The following SUPT16H variants were observed in gnomAD, a reference collection of about 807,000 sequenced individuals.
The protein encoded by SUPT16H is SPT16 homolog, facilitates chromatin remodeling subunit.
In SUPT16H, 24 loss-of-function variants were observed where a neutral mutation model predicts 136.2. The observed-to-expected ratio is 0.18, with a 90% confidence interval of 0.13 to 0.25. SUPT16H has a LOEUF of 0.25. SUPT16H is among the 10% of genes least tolerant of loss of function. The probability of loss-of-function intolerance (pLI) is 1.00; values close to 1 mark genes in which losing one functional copy is unlikely to be tolerated. For synonymous variants in SUPT16H, 415 were observed against 428.2 expected (o/e 0.97, Z 0.38); for missense variants, 623 against 1,270.2 (o/e 0.49, Z 7.74).
chr14:21,361,311 C>CTTTTTT lies in SUPT16H; in HGVS notation c.1794-104_1794-99dup, dbSNP rs35486887. 2,335 of 461,250 alleles carry CTTTTTT rather than the reference C, an allele frequency of 5.1e-3. 18 individuals carry two copies. Among genetic ancestry groups the CTTTTTT allele is most frequent in the South Asian group, 0.01 (458 of 43,890 alleles). 28.6% of individuals were successfully genotyped at this position (461,250 alleles called of 1,614,324 possible). ...TCTAAGCAGCTTAATCTCTACTTTG[C>CTTTTTT]TTTTTTTTTTTTTTTTTTTTTTTGA... On this transcript the variant is annotated intron_variant, in intron 15 of 25. Transcript: ENST00000216297.
intron 19 of SUPT16H, among the ~76,000 whole-genome samples, chr14:21,358,717 G>A (rs1662382411): frequency 6.6e-6 from 1 of 152,198 alleles, no homozygotes; most frequent in Admixed American, 6.5e-5. Flanking sequence ...CTGTCAAGCT[G>A]AGTCTGCAAC....
intron 1 of SUPT16H, among the ~76,000 whole-genome samples, chr14:21,379,441 GAAAAA>G (rs35245464): frequency 7.5e-6 from 1 of 133,790 alleles, no homozygotes; most frequent in Non-Finnish European, 1.6e-5. Flanking sequence ...CTCAAAAAAA[GAAAAA>G]AAAAAAAAAA....
At chr14:21,357,163 G>C (rs773452027) in intron 22 of SUPT16H, 34 bp downstream of exon 22, 3 of 1,514,336 alleles carry the variant, frequency 2.0e-6, no homozygotes, top group Admixed American at 2.0e-5. Flanking sequence ...AGGGCTCATG[G>C]GCTAAATGGG....
At chr14:21,370,065 G>A (rs1022797202) in intron 4 of SUPT16H, among the ~76,000 whole-genome samples, 169 bp from the exon 5 acceptor site, 5 of 152,170 alleles carry the variant, frequency 3.3e-5, no homozygotes, top group Admixed American at 1.3e-4. Flanking sequence ...ATTTGAAATA[G>A]CTCTTTGCCA....
chr14:21,362,108 A>G (rs967742567), intron 15 of SUPT16H, 89 bp downstream of exon 15: 11 of 1,450,160 alleles, frequency 7.6e-6, no homozygotes, highest in African/African-American at 1.4e-5. Flanking sequence ...TTTACTAGGT[A>G]GGGAAAATGT....
At chr14:21,382,799 T>A (rs1887060271) in intron 1 of SUPT16H, among the ~76,000 whole-genome samples, 1 of 152,120 alleles carries the variant, frequency 6.6e-6, no homozygotes, top group Admixed American at 6.5e-5. Context: ...TGCAAGAGAA[T>A]CAATTTTATT....
At chr14:21,380,137 A>G (rs1251056745) in intron 1 of SUPT16H, among the ~76,000 whole-genome samples, 1 of 152,102 alleles carries the variant, frequency 6.6e-6, no homozygotes, top group Non-Finnish European at 1.5e-5. Context: ...CTTACACTAT[A>G]TTCGGTATTA....
In SUPT16H at chr14:21,364,874, C is replaced by T; in HGVS notation, c.1186G>A (p.Glu396Lys). Residue 396 changes from glutamate (E) to lysine (K), a missense_variant, in exon 10 of 26, where the codon GAG becomes AAG. By Grantham distance (56) the Glu-to-Lys change is moderately conservative (BLOSUM62 1). Coordinates refer to ENST00000216297, the MANE Select transcript of SUPT16H (RefSeq NM_007192.4). ...CCAATGAACAGGGCATAGGTTTTCTCTTCTGGCTTTTTCCCCTCCTTGTTA... is the reference window on the plus strand; with the variant it reads ...CCAATGAACAGGGCATAGGTTTTCTTTTCTGGCTTTTTCCCCTCCTTGTTA... ...LTNKEGKKPE[E>K]KTYALFIGDT... The T allele has an allele frequency of 1.2e-6, 2 of 1,613,238 alleles. No homozygotes were observed. Among genetic ancestry groups the T allele is most frequent in the Non-Finnish European group, 1.7e-6 (2 of 1,180,026 alleles).
Position 21,359,625 on chromosome 14 carries a change from A to C in SUPT16H, c.2176-16T>G, listed in dbSNP as rs752711403. The C allele has an allele frequency of 6.2e-7, 1 of 1,611,744 alleles. No homozygotes were observed. Among genetic ancestry groups the C allele is most frequent in the Admixed American group, 1.7e-5 (1 of 59,564 alleles). ...TGATGGCATTCTGTCGGCATAAAAC[A>C]GAAAGAACACAGAAGTCAGAAACAC... is the stretch of plus-strand genomic sequence containing the variant. On this transcript the variant is annotated splice_polypyrimidine_tract_variant and intron_variant, in intron 18 of 25. Transcript: ENST00000216297.
intron 1 of SUPT16H, among the ~76,000 whole-genome samples, chr14:21,374,467 A>G (rs10132333): frequency 0.92 from 140,863 of 152,352 alleles, 65,237 homozygotes; most frequent in Middle Eastern, 0.95. Flanking sequence ...TTTAATCTCT[A>G]TGTCCTTGAG....
In SUPT16H at chr14:21,377,279, T is replaced by C. The variant is rs1157364480; in HGVS notation, c.67-3849A>G. Among the ~76,000 whole-genome samples the C allele has an allele frequency of 3.3e-5, 5 of 152,164 alleles. 1 individual carries two copies. In the South Asian group the frequency reaches 6.2e-4, roughly 19 times the overall value. The stretch of plus-strand genomic sequence containing the variant: ...CCCAAAAGAGACATATCAAAGCACA[T>C]TGCTGTGCAATTTCAAAACAGAAGG... On this transcript the variant is annotated intron_variant, in intron 1 of 25. Transcript: ENST00000216297.
At chr14:21,365,249 G>A (rs1886641192) in intron 8 of SUPT16H, 106 bp from the exon 9 acceptor site, 1 of 1,092,904 alleles carries the variant, frequency 9.1e-7, no homozygotes, top group African/African-American at 1.6e-5. Flanking sequence ...AAACATGTTT[G>A]AAATGATTTA....
At chr14:21,362,992 C>A (rs557910171) in intron 13 of SUPT16H, 42 bp downstream of exon 13, 6 of 1,613,754 alleles carry the variant, frequency 3.7e-6, no homozygotes, top group Non-Finnish European at 5.1e-6. Flanking sequence ...TGCAGTCCCA[C>A]AGAACCCTCA....
At chr14:21,354,321 TC>T (rs1886382699) in intron 23 of SUPT16H, 89 bp downstream of exon 23, 9 of 1,465,356 alleles carry the variant, frequency 6.1e-6, no homozygotes, top group Middle Eastern at 3.7e-4. Flanking sequence ...GATGGCCTAG[TC>T]CCTTATGTAC....
intron 1 of SUPT16H, among the ~76,000 whole-genome samples, chr14:21,373,919 G>A (rs1162242998): frequency 6.6e-6 from 1 of 152,004 alleles, no homozygotes; most frequent in Non-Finnish European, 1.5e-5. Context: ...GTAGAGACAG[G>A]GTTTCACTAT....
intron 22 of SUPT16H, 133 bp from the exon 23 acceptor site, chr14:21,354,673 C>A (rs1314700153): frequency 9.5e-6 from 10 of 1,058,136 alleles, no homozygotes; most frequent in Middle Eastern, 6.8e-4. Flanking sequence ...CTCACTGCAA[C>A]CTCTGCCTCC....
At chr14:21,354,126 A>G (rs919931646) in intron 23 of SUPT16H, among the ~76,000 whole-genome samples, 1 of 152,242 alleles carries the variant, frequency 6.6e-6, no homozygotes, top group Non-Finnish European at 1.5e-5. Flanking sequence ...CGTTAAGTGG[A>G]TCATTTTTTA....
intron 19 of SUPT16H, 109 bp downstream of exon 19, chr14:21,359,375 C>T (rs1364812440): frequency 2.3e-5 from 34 of 1,471,154 alleles, no homozygotes; most frequent in African/African-American, 2.1e-4. Flanking sequence ...GGATTACAGG[C>T]GCGAGTCACC....
intron 18 of SUPT16H, 120 bp from the exon 19 acceptor site, chr14:21,359,729 C>G: frequency 1.8e-6 from 2 of 1,135,024 alleles, no homozygotes; most frequent in Non-Finnish European, 2.5e-6. Context: ...TAAACCACCC[C>G]TGGTGTCATC....
Sources: gnomAD v4.1 joint callset for allele counts (sites outside exome capture counted in the v4.1 genomes callset) on GRCh38, gnomAD v4.1.1 for gene constraint, MANE v1.5 for transcripts, NCBI Gene and HGNC (gene_info 2026-07-23, HGNC 2026-07-21) for gene names.